Variants in FARP1 observed in about 807,000 individuals in gnomAD.
FARP1 encodes FERM, ARH/RhoGEF and pleckstrin domain protein 1, also known as FERM, ARHGEF and pleckstrin domain-containing protein 1.
Under a neutral mutation model 128.8 loss-of-function variants are expected in FARP1, and 52 were observed. That is an observed-to-expected ratio of 0.40 (90% CI 0.32 to 0.51). FARP1 has a LOEUF of 0.51. FARP1 is among the 20% of genes least tolerant of loss of function. The pLI is 0.45. For synonymous variants in FARP1, 580 were observed against 551.8 expected (o/e 1.05, Z -0.72); for missense variants, 1,333 against 1,367.9 (o/e 0.97, Z 0.40).
intron 2 of FARP1, among the ~76,000 whole-genome samples, chr13:98,231,071 C>A (rs963789334): frequency 6.6e-6 from 1 of 152,118 alleles, no homozygotes; most frequent in African/African-American, 2.4e-5. Context: ...CCCCATAATT[C>A]AGTTATCTCC....
At chr13:98,224,528 AAAAAAAAAAAAAAAAAAG>A (rs1276086093) in intron 2 of FARP1, among the ~76,000 whole-genome samples, 553 of 37,070 alleles carry the variant, frequency 0.015, 2 homozygotes, top group African/African-American at 0.033. Flanking sequence ...CTCTGTCTCA[AAAAAAAAAAAAAAAAAAG>A]AAAAAAAAAA....
chr13:98,404,958 A>G (rs187249138), intron 13 of FARP1: 1 of 152,336 alleles, frequency 6.6e-6, no homozygotes, highest in Admixed American at 6.5e-5. Flanking sequence ...CTATGTGGTT[A>G]AAAACTGAGA....
rs183254641 is a variant in FARP1 at position 98,146,293 on chromosome 13, A to G, written c.-24+2801A>G. 6.6e-5 allele frequency among the ~76,000 whole-genome samples: 10 copies of G among 152,174 alleles called. No homozygotes were observed. In the East Asian group the frequency reaches 1.2e-3, roughly 18 times the overall value. ...TCCCAGGCTGGAGTGCAATGGCGCA[A>G]TCTCGGCTCACTGAAACCTCTGCCT... On this transcript the variant is annotated intron_variant, in intron 1 of 26. Coordinates refer to ENST00000319562, the MANE Select transcript of FARP1 (RefSeq NM_005766.4).
chr13:98,260,540 C>T (rs1448462160), intron 2 of FARP1, among the ~76,000 whole-genome samples: 1 of 152,234 alleles, frequency 6.6e-6, no homozygotes, highest in African/African-American at 2.4e-5. Context: ...CTCAATCCAG[C>T]TCAACTCTGG....
At chr13:98,261,251 A>G (rs1883866227) in intron 2 of FARP1, among the ~76,000 whole-genome samples, 1 of 152,180 alleles carries the variant, frequency 6.6e-6, no homozygotes, top group Non-Finnish European at 1.5e-5. Context: ...TCCCACAGAG[A>G]AGTGCTGGCA....
chr13:98,287,208 C>CTTTTTTTTTTTTTTTTTTTT (rs71111939), intron 2 of FARP1, among the ~76,000 whole-genome samples: 9 of 75,846 alleles, frequency 1.2e-4, no homozygotes, highest in Non-Finnish European at 1.7e-4. Flanking sequence ...TCAGACATGT[C>CTTTTTTTTTTTTTTTTTTTT]TTTTTTTTTT....
At chr13:98,323,304 G>A in intron 2 of FARP1, among the ~76,000 whole-genome samples, 1 of 151,466 alleles carries the variant, frequency 6.6e-6, no homozygotes, top group East Asian at 1.9e-4. Flanking sequence ...AAGCAGGTGT[G>A]CCCAGGTAGT....
chr13:98,168,179 A>T (rs900655757), intron 1 of FARP1, among the ~76,000 whole-genome samples: 3 of 151,306 alleles, frequency 2.0e-5, no homozygotes, highest in African/African-American at 4.9e-5. Context: ...CTCAAAAAAA[A>T]AAAATAAAAT....
At position 98,313,805 on chromosome 13, in the gene FARP1, C is replaced by A. The variant is rs1886597409; in HGVS notation, c.172-29957C>A. 2.0e-5 allele frequency among the ~76,000 whole-genome samples: 3 copies of A among 152,228 alleles called. 1 individual carries two copies. The highest frequency in any genetic ancestry group is 7.2e-5 in the African/African-American group (3 of 41,464). On this transcript the variant is annotated intron_variant, in intron 2 of 26. Coordinates refer to ENST00000319562, the MANE Select transcript of FARP1 (RefSeq NM_005766.4). ...GGAAGGGATCATAGGGAAGGACCTG[C>A]CAGCCGCCTCCTCATCTCGGCCCGC... is the stretch of plus-strand genomic sequence containing the variant.
At position 98,384,716 on chromosome 13, in the gene FARP1, C is replaced by T. The variant is rs1890031317; in HGVS notation, c.497-14C>T. On this transcript the variant is annotated splice_polypyrimidine_tract_variant and intron_variant, in intron 6 of 26. Coordinates refer to ENST00000319562, the MANE Select transcript of FARP1 (RefSeq NM_005766.4). Reference sequence around the variant, plus strand: ...ATTCCTACGTGACCTGTTTTTCTTTCTGTTTCTTTTTAGCTGAGATTGGGG... The same window carrying T: ...ATTCCTACGTGACCTGTTTTTCTTTTTGTTTCTTTTTAGCTGAGATTGGGG... 3 of 1,547,842 alleles carry T rather than the reference C, an allele frequency of 1.9e-6. No homozygotes were observed. Among genetic ancestry groups the T allele is most frequent in the Non-Finnish European group, 2.7e-6 (3 of 1,120,418 alleles).
intron 2 of FARP1, among the ~76,000 whole-genome samples, chr13:98,343,519 G>T (rs1304119991): frequency 4.6e-5 from 7 of 152,236 alleles, no homozygotes; most frequent in Non-Finnish European, 7.3e-5. Context: ...GGTGGGAGGA[G>T]TGATGCCTGG....
intron 4 of FARP1, among the ~76,000 whole-genome samples, chr13:98,367,562 TC>T (rs1357028104): frequency 1.3e-5 from 2 of 151,980 alleles, no homozygotes; most frequent in African/African-American, 4.8e-5. Flanking sequence ...CCTATCTACT[TC>T]CTGATTTTGT....
At chr13:98,170,022 A>T (rs1308552238) in intron 1 of FARP1, among the ~76,000 whole-genome samples, 6 of 152,188 alleles carry the variant, frequency 3.9e-5, no homozygotes, top group Non-Finnish European at 8.8e-5. Flanking sequence ...TAATCTTTAT[A>T]AACTAATATA....
In FARP1 at chr13:98,292,361, G is replaced by A. The variant is rs146875895; in HGVS notation, c.172-51401G>A. Among the ~76,000 whole-genome samples the A allele has an allele frequency of 1.4e-4, 21 of 152,318 alleles. No homozygotes were observed. The East Asian group carries it at 4.0e-3, about 29-fold the overall frequency. On this transcript the variant is annotated intron_variant, in intron 2 of 26. Coordinates refer to ENST00000319562, the MANE Select transcript of FARP1 (RefSeq NM_005766.4). ...AGGGGAATGGGAGCTGTAAGTTACA[G>A]TAGATGCCAAGTACTTGGTAAAAAT... is the stretch of plus-strand genomic sequence containing the variant.
intron 13 of FARP1, chr13:98,406,480 T>G (rs1295814471): frequency 2.0e-5 from 3 of 152,236 alleles, no homozygotes; most frequent in African/African-American, 7.2e-5. Flanking sequence ...CATTGCCCTT[T>G]CTTTCTTAGG....
intron 1 of FARP1, among the ~76,000 whole-genome samples, chr13:98,169,133 G>C (rs935363721): frequency 1.1e-4 from 16 of 151,862 alleles, no homozygotes; most frequent in Admixed American, 3.9e-4. Flanking sequence ...CAACTAATTT[G>C]TACTGATCTC....
intron 1 of FARP1, among the ~76,000 whole-genome samples, chr13:98,191,010 C>T (rs187485421): frequency 7.9e-5 from 12 of 152,322 alleles, no homozygotes; most frequent in Admixed American, 2.6e-4. Context: ...GCCTCTGGCA[C>T]TGTGCCCACC....
At chr13:98,446,052 G>A (rs749313412) in intron 24 of FARP1, 46 bp from the exon 25 acceptor site, 1 of 1,331,152 alleles carries the variant, frequency 7.5e-7, no homozygotes, top group South Asian at 1.2e-5. Context: ...GTGCCCTCCT[G>A]GGGCAGGTGC....
intron 5 of FARP1, among the ~76,000 whole-genome samples, chr13:98,373,860 A>G (rs968620159): frequency 2.0e-5 from 3 of 152,150 alleles, no homozygotes; most frequent in South Asian, 2.1e-4. Flanking sequence ...GGAAACCTCT[A>G]TAGCTAATAC....
Sources: allele counts gnomAD v4.1 joint callset (sites outside exome capture counted in the v4.1 genomes callset), GRCh38; gene constraint gnomAD v4.1.1; transcripts MANE v1.5; gene names NCBI Gene and HGNC (gene_info 2026-07-23, HGNC 2026-07-21).